NFATC1: variants seen among roughly 807,000 people sequenced by gnomAD.
The protein encoded by NFATC1 is nuclear factor of activated T cells 1.
NFATC1 carries 22 observed loss-of-function variants against 76.0 expected under a neutral mutation model. The observed-to-expected ratio is 0.29, with a 90% CI of 0.21 to 0.41. NFATC1 has a LOEUF of 0.41. Among genes scored for constraint, NFATC1 ranks in the 10% least tolerant of loss-of-function variants. The probability of loss-of-function intolerance (pLI) is 1.00; values close to 1 mark genes in which losing one functional copy is unlikely to be tolerated. For missense variants in NFATC1, 1,357 were observed against 1,337.7 expected, an observed-to-expected ratio of 1.01 and a Z score of -0.23; for synonymous variants, 704 against 613.1, an observed-to-expected ratio of 1.15 and a Z score of -2.19.
At position 79,438,836 on chromosome 18, in the gene NFATC1, G is replaced by GT. The variant is rs147262778; in HGVS notation, c.1386+5099dup. Among the ~76,000 whole-genome samples, 792 of 152,320 alleles carry GT rather than the reference G, an allele frequency of 5.2e-3. 6 individuals carry two copies. The highest frequency in any genetic ancestry group is 0.017 in the African/African-American group (715 of 41,572). The stretch of plus-strand genomic sequence containing the variant: ...TGGGGCGGGCCCGCTGGTGCCCACA[G>GT]TGGCCTTGGTGGGCCTCTCCTTCCA... On this transcript the variant is annotated intron_variant, in intron 3 of 9. Coordinates refer to ENST00000427363, the MANE Select transcript of NFATC1 (RefSeq NM_001278669.2).
At chr18:79,403,056 C>T (rs2085320316) in intron 1 of NFATC1, among the ~76,000 whole-genome samples, 1 of 152,238 alleles carries the variant, frequency 6.6e-6, no homozygotes, top group Non-Finnish European at 1.5e-5. Context: ...TCAGCCGGAT[C>T]CCCTGAGAAG....
At chr18:79,424,986 T>C in intron 2 of NFATC1, among the ~76,000 whole-genome samples, 1 of 137,124 alleles carries the variant, frequency 7.3e-6, no homozygotes, top group East Asian at 2.1e-4. Context: ...TCTCTGTCTC[T>C]CTGTGTCTAT....
chr18:79,489,910 G>A (rs922434785), intron 9 of NFATC1, among the ~76,000 whole-genome samples: 4 of 152,218 alleles, frequency 2.6e-5, no homozygotes, highest in East Asian at 1.9e-4. Context: ...TTCGGGGGTC[G>A]GGGTTGGGAT....
intron 9 of NFATC1, among the ~76,000 whole-genome samples, chr18:79,494,868 C>T (rs555827200): frequency 2.5e-4 from 35 of 138,872 alleles, no homozygotes; most frequent in African/African-American, 9.0e-4. Flanking sequence ...CGGGGGAAGG[C>T]GAGAGCGGGC....
intron 1 of NFATC1, among the ~76,000 whole-genome samples, chr18:79,408,513 A>T (rs1408380681): frequency 6.6e-6 from 1 of 152,270 alleles, no homozygotes; most frequent in East Asian, 1.9e-4. Flanking sequence ...CTAGCTGTGT[A>T]CCAGAATCTT....
rs139217071 is a variant in NFATC1, at chr18:79,411,331, C to T, written c.1056C>T (p.Pro352=). The T allele has an allele frequency of 5.6e-4, 901 of 1,599,444 alleles. 5 individuals carry two copies. The East Asian group carries it at 8.3e-3, about 15-fold the overall frequency. The change falls in exon 2 of 10, where the codon CCC becomes CCT. Residue 352 remains proline, a synonymous_variant. Coordinates refer to ENST00000427363, the MANE Select transcript of NFATC1 (RefSeq NM_001278669.2). ...QPPSVALKVE[P]VGEDLGSPPP... is the part of the protein sequence containing the mutation. The stretch of plus-strand genomic sequence containing the variant: ...CCTCAGTGGCGCTCAAGGTGGAGCC[C>T]GTCGGGGAGGACCTGGGCAGCCCCC...
At chr18:79,480,668 C>G (rs1345621110) in intron 8 of NFATC1, among the ~76,000 whole-genome samples, 1 of 152,180 alleles carries the variant, frequency 6.6e-6, no homozygotes, top group African/African-American at 2.4e-5. Context: ...CAGCCAGCAG[C>G]AGCAGACGCC....
At chr18:79,432,913 C>T (rs1362782085) in intron 2 of NFATC1, among the ~76,000 whole-genome samples, 1 of 152,220 alleles carries the variant, frequency 6.6e-6, no homozygotes, top group Middle Eastern at 3.2e-3. Context: ...TGAGGACAGC[C>T]CCAGCACCTG....
intron 6 of NFATC1, among the ~76,000 whole-genome samples, chr18:79,453,743 A>C (rs1568981032): frequency 6.6e-6 from 1 of 152,256 alleles, no homozygotes. Context: ...GAAGCTGTGA[A>C]TACTGCAGGG....
chr18:79,473,706 G>A (rs979954532), intron 8 of NFATC1, among the ~76,000 whole-genome samples: 2 of 148,096 alleles, frequency 1.4e-5, no homozygotes, highest in Non-Finnish European at 1.5e-5. Flanking sequence ...ACTCACTGTC[G>A]ACGTTGCAAG....
chr18:79,504,886 CGTGGGAGGAGGTGGT>C (rs2090091323), intron 9 of NFATC1, among the ~76,000 whole-genome samples: 2 of 76,850 alleles, frequency 2.6e-5, no homozygotes, highest in Non-Finnish European at 3.0e-5. Flanking sequence ...GAGACTGCTG[CGTGGGAGGAGGTGGT>C]GCTGGAGGCC....
rs1479831534 is a variant in NFATC1 at position 79,465,907 on chromosome 18, A to C, written c.1960-1543A>C. 6.6e-6 allele frequency among the ~76,000 whole-genome samples: 1 copy of C among 152,244 alleles called. No homozygotes were observed. Among genetic ancestry groups the C allele is most frequent in the East Asian group, 1.9e-4 (1 of 5,196 alleles). On this transcript the variant is annotated intron_variant, in intron 7 of 9. Transcript: ENST00000427363. This position sits in a 1 kb window ranked among gnomAD's most constrained non-coding sequence, Gnocchi z 4.2. ...CAGGCCCCGCCCACTGACAGCACTC[A>C]TGGCCCCTCCGGCGGCAGCTTCAGC...
Position 79,405,063 on chromosome 18 carries a change from T to C in NFATC1, c.128-5340T>C, listed in dbSNP as rs376486653. Among the ~76,000 whole-genome samples, 11 of 152,300 alleles carry C rather than the reference T, an allele frequency of 7.2e-5. No individual in the cohort carries two copies. The East Asian group carries it at 1.5e-3, about 21-fold the overall frequency. On this transcript the variant is annotated intron_variant, in intron 1 of 9. Transcript: ENST00000427363. ...TGAGGCCAGTGGGACTAGGCTGGCC[T>C]GAGAGCCGGGTGCTCCCCGCGTGGC...
At chr18:79,443,561 C>T (rs772061431) in intron 3 of NFATC1, among the ~76,000 whole-genome samples, 2 of 152,220 alleles carry the variant, frequency 1.3e-5, no homozygotes, top group Non-Finnish European at 2.9e-5. Context: ...ATTCACCGGT[C>T]TGAGAATCCA....
At position 79,434,499 on chromosome 18, in the gene NFATC1, T is replaced by C. The variant is rs370102194; in HGVS notation, c.1386+761T>C. Among the ~76,000 whole-genome samples, 10 of 152,252 alleles carry C rather than the reference T, an allele frequency of 6.6e-5. No individual in the cohort carries two copies. The East Asian group carries it at 1.5e-3, about 23-fold the overall frequency. On this transcript the variant is annotated intron_variant, in intron 3 of 9. Transcript: ENST00000427363. ...GCCGTGGGTGTTGGCATTTTCTTCGTTCCACCTGTTACCTCGTCAGCTATA... is the reference window on the plus strand; with the variant it reads ...GCCGTGGGTGTTGGCATTTTCTTCGCTCCACCTGTTACCTCGTCAGCTATA...
In NFATC1 at chr18:79,410,028, G is replaced by A. The variant is rs1023280772; in HGVS notation, c.128-375G>A. The A allele has an allele frequency of 2.7e-5, 16 of 584,088 alleles. No individual in the cohort carries two copies. The highest frequency in any genetic ancestry group is 9.5e-5 in the Admixed American group (5 of 52,774). 36.2% of individuals were successfully genotyped at this position (584,088 alleles called of 1,614,324 possible). A position where few individuals can be genotyped will look rare whatever the true frequency, so the allele number is the denominator to read the frequency against. On this transcript the variant is annotated intron_variant, in intron 1 of 9. Transcript: ENST00000427363. The surrounding 1 kb of genome is among the most constrained non-coding windows in gnomAD (Gnocchi z 6.7). Reference sequence around the variant, plus strand: ...GAGCGGAACCCGTGAGGACCCAGTCGCCTCTCTCTGGGAAGGACGTTCGGA... The same window carrying A: ...GAGCGGAACCCGTGAGGACCCAGTCACCTCTCTCTGGGAAGGACGTTCGGA...
chr18:79,502,260 C>T (rs1335859793), intron 9 of NFATC1, among the ~76,000 whole-genome samples: 1 of 152,210 alleles, frequency 6.6e-6, no homozygotes, highest in African/African-American at 2.4e-5. Context: ...GAGTAAATGA[C>T]AGCCTTTTTA....
In NFATC1 at chr18:79,448,655, GAAAT is replaced by G. The variant is rs2087320121; in HGVS notation, c.1387-123_1387-120del. On this transcript the variant is annotated intron_variant, in intron 3 of 9. Coordinates refer to ENST00000427363, the MANE Select transcript of NFATC1 (RefSeq NM_001278669.2). The stretch of plus-strand genomic sequence containing the variant: ...AAAGACACCAGTATGACATGGCAGA[GAAAT>G]AAAAAGGGGGCAGGGCAGGGGGACA... 8 of 854,234 alleles carry G rather than the reference GAAAT, an allele frequency of 9.4e-6. No homozygotes were observed. In the East Asian group the frequency reaches 2.0e-4, roughly 21 times the overall value. The allele number at this position is 854,234 out of a possible 1,614,324, so 52.9% of individuals were successfully genotyped here.
At chr18:79,451,540 G>T (rs910500468) in intron 5 of NFATC1, 136 bp from the exon 6 acceptor site, 5 of 925,610 alleles carry the variant, frequency 5.4e-6, no homozygotes, top group Non-Finnish European at 7.5e-6. Flanking sequence ...AGTGGCATCC[G>T]CAGGGGTCGG....
Sources: allele counts gnomAD v4.1 joint callset (sites outside exome capture counted in the v4.1 genomes callset), GRCh38; gene constraint gnomAD v4.1.1; non-coding constraint Gnocchi (gnomAD v3.1); transcripts MANE v1.5; gene names NCBI Gene and HGNC (gene_info 2026-07-23, HGNC 2026-07-21).